Variants in MTUS1 observed in about 807,000 individuals in gnomAD.
MTUS1 encodes the protein microtubule-associated tumor suppressor 1.
In MTUS1, 109 loss-of-function variants were observed where a neutral mutation model predicts 120.8. The ratio of observed to expected loss-of-function variants is 0.90; its 90% CI spans 0.77 to 1.06. MTUS1 has a LOEUF of 1.06. MTUS1 is among the 50% of genes least tolerant of loss of function. The probability of loss-of-function intolerance (pLI) is 0.00; values close to 1 mark genes in which losing one functional copy is unlikely to be tolerated. For synonymous variants in MTUS1, 737 were observed against 550.5 expected (o/e 1.34, Z -4.74); for missense variants, 2,210 against 1,486.3 (o/e 1.49, Z -8.01).
At chr8:17,733,036 C>T (rs1416092770) in intron 3 of MTUS1, among the ~76,000 whole-genome samples, 1 of 152,078 alleles carries the variant, frequency 6.6e-6, no homozygotes, top group Non-Finnish European at 1.5e-5. Context: ...ACTCCAAGTC[C>T]TAACTATGAT....
At position 17,755,341 on chromosome 8, in the gene MTUS1, T is replaced by A; in HGVS notation, c.467A>T (p.Glu156Val). 6.2e-7 allele frequency: 1 copy of A among 1,614,144 alleles called. No individual in the cohort carries two copies. Among genetic ancestry groups the A allele is most frequent in the Non-Finnish European group, 8.5e-7 (1 of 1,180,004 alleles). Residue 156 changes from glutamate (E) to valine (V), a missense_variant, in exon 2 of 15, where the codon GAG becomes GTG. Glu to Val is a moderately radical substitution (Grantham distance 121). Transcript: ENST00000693296. ...TGTCATGTCAAATGTTTGGTTTAGC[T>A]CCAAGGCATCACAGTAGCCTGCACA... is the stretch of plus-strand genomic sequence containing the variant. ...LNCAGYCDALELNQTFDMTVD... is the reference protein window; with the variant it reads ...LNCAGYCDALVLNQTFDMTVD...
rs534414581 is a variant in MTUS1, at chr8:17,766,949, G to T, written c.-154-10988C>A. Among the ~76,000 whole-genome samples, 236 of 152,006 alleles carry T rather than the reference G, an allele frequency of 1.6e-3. 1 individual carries two copies. In the Middle Eastern group the frequency reaches 0.02, roughly 13 times the overall value. On this transcript the variant is annotated intron_variant, in intron 1 of 14. Transcript: ENST00000693296. ...AAATTTTATTTTCTTCTTTTAGTAG[G>T]TAGACTGAATTGACAATCATATGAT...
intron 8 of MTUS1, among the ~76,000 whole-genome samples, chr8:17,674,250 T>A (rs557953268): frequency 6.6e-6 from 1 of 151,898 alleles, no homozygotes; most frequent in Non-Finnish European, 1.5e-5. Context: ...CGAAACCCCA[T>A]CTCTACTAAA....
intron 7 of MTUS1, among the ~76,000 whole-genome samples, chr8:17,679,499 A>T (rs1489284099): frequency 1.0e-5 from 1 of 95,304 alleles, no homozygotes; most frequent in African/African-American, 3.2e-5. Flanking sequence ...TTATTTATTT[A>T]TTTATTTATT....
chr8:17,656,556 C>T (rs1808294613), intron 8 of MTUS1, among the ~76,000 whole-genome samples: 1 of 115,848 alleles, frequency 8.6e-6, no homozygotes, highest in East Asian at 2.9e-4. Context: ...CCCCCCCCCA[C>T]CCCACATTCA....
In MTUS1 at chr8:17,649,911, C is replaced by T. The variant is rs1439059644; in HGVS notation, c.3436G>A (p.Val1146Met). 1.2e-6 allele frequency: 2 copies of T among 1,612,710 alleles called. No individual in the cohort carries two copies. Among genetic ancestry groups the T allele is most frequent in the South Asian group, 1.1e-5 (1 of 91,050 alleles). The part of the protein sequence containing the change: ...LEQELESLKA[V>M]LEIKNEKLHQ... ...AGTTTCTCATTCTTGATCTCTAACA[C>T]AGCTTTCAGGCTTTCTAACTCCTGT... The change falls in exon 13 of 15, where the codon GTG becomes ATG. Residue 1146 changes from valine to methionine, a missense_variant. Transcript: ENST00000693296.
chr8:17,760,630 G>A (rs1417281519), intron 1 of MTUS1, among the ~76,000 whole-genome samples: 2 of 152,104 alleles, frequency 1.3e-5, no homozygotes, highest in Non-Finnish European at 2.9e-5. Flanking sequence ...TCCTAAGCTT[G>A]CACCACTTGC....
intron 1 of MTUS1, among the ~76,000 whole-genome samples, chr8:17,776,405 G>T (rs1474467166): frequency 6.6e-6 from 1 of 152,018 alleles, no homozygotes; most frequent in South Asian, 2.1e-4. Context: ...CACATACGAG[G>T]CCCAGTGCAG....
intron 8 of MTUS1, among the ~76,000 whole-genome samples, chr8:17,667,485 A>C (rs1460885340): frequency 2.0e-5 from 3 of 152,234 alleles, no homozygotes; most frequent in Non-Finnish European, 4.4e-5. Flanking sequence ...GGCGTGAGGC[A>C]ATGTGAAGTT....
chr8:17,764,790 C>G (rs2049333871), intron 1 of MTUS1, among the ~76,000 whole-genome samples: 2 of 152,226 alleles, frequency 1.3e-5, no homozygotes, highest in South Asian at 4.1e-4. Flanking sequence ...CTGTAGCTTG[C>G]TGACCCCTGA....
In MTUS1 at chr8:17,755,086, A is replaced by G. The variant is rs2131343337; in HGVS notation, c.722T>C (p.Met241Thr). 1 of 1,613,880 alleles carries G rather than the reference A, an allele frequency of 6.2e-7. No individual in the cohort carries two copies. The highest frequency in any genetic ancestry group is 1.1e-5 in the South Asian group (1 of 91,082). The stretch of plus-strand genomic sequence containing the variant: ...CACATCAGAAAATGCTGTGTAAGTC[A>G]TGTCTTGGGCTTCTGATGGTGTGAC... ...PQVTPSEAQD[M>T]TYTAFSDVVM... The change falls in exon 2 of 15, where the codon ATG (methionine) becomes ACG (threonine). Residue 241 changes from methionine (M) to threonine (T), a missense_variant. Physicochemically the swap from Met to Thr is moderately conservative, Grantham distance 81. Transcript: ENST00000693296.
At chr8:17,695,219 G>A (rs943601938) in intron 6 of MTUS1, among the ~76,000 whole-genome samples, 1 of 152,214 alleles carries the variant, frequency 6.6e-6, no homozygotes, top group African/African-American at 2.4e-5. Flanking sequence ...TTCCTTACAT[G>A]ATTTTAAAAA....
chr8:17,703,100 A>G (rs183837715), intron 6 of MTUS1, among the ~76,000 whole-genome samples: 229 of 152,264 alleles, frequency 1.5e-3, no homozygotes, highest in African/African-American at 5.3e-3. Flanking sequence ...AATGAACACA[A>G]TAACAGTGAT....
chr8:17,792,169 G>A (rs1351665737), intron 1 of MTUS1, among the ~76,000 whole-genome samples: 3 of 152,062 alleles, frequency 2.0e-5, no homozygotes, highest in Non-Finnish European at 2.9e-5. Context: ...TGGATGTCAT[G>A]GTGGGCAAAA....
intron 3 of MTUS1, among the ~76,000 whole-genome samples, chr8:17,732,484 T>C (rs111974954): frequency 2.6e-5 from 4 of 152,210 alleles, no homozygotes; most frequent in Admixed American, 1.3e-4. Flanking sequence ...AGAGCTATCC[T>C]TGACCTGTGC....
At chr8:17,765,519 C>G (rs1186357544) in intron 1 of MTUS1, among the ~76,000 whole-genome samples, 1 of 150,560 alleles carries the variant, frequency 6.6e-6, no homozygotes, top group African/African-American at 2.5e-5. Flanking sequence ...ACTAGGGAGG[C>G]TGAGGCAGAA....
At chr8:17,684,255 G>C (rs1380223973) in intron 7 of MTUS1, 73 bp downstream of exon 7, 2 of 1,049,076 alleles carry the variant, frequency 1.9e-6, no homozygotes, top group Admixed American at 1.7e-5. Context: ...CCCAAGGCCA[G>C]CGTGTGAGCA....
At chr8:17,653,567 A>C in intron 10 of MTUS1, 69 bp from the exon 11 acceptor site, 15 of 1,115,672 alleles carry the variant, frequency 1.3e-5, no homozygotes, top group Non-Finnish European at 2.0e-5. Context: ...AAAACAGTTA[A>C]AGCATATAGA....
intron 6 of MTUS1, chr8:17,708,676 T>TA: frequency 6.6e-6 from 1 of 152,286 alleles, no homozygotes; most frequent in Non-Finnish European, 1.5e-5. Flanking sequence ...ACCAGAAACT[T>TA]AAAAGGAAAT....
Sources: gnomAD v4.1 joint callset for allele counts (sites outside exome capture counted in the v4.1 genomes callset) on GRCh38, gnomAD v4.1.1 for gene constraint, MANE v1.5 for transcripts, NCBI Gene and HGNC (gene_info 2026-07-23, HGNC 2026-07-21) for gene names.